The following DMD variants were observed in gnomAD, a reference collection of about 807,000 sequenced individuals.
The protein encoded by DMD is mutant dystrophin.
In DMD, 63 loss-of-function variants were observed where a neutral mutation model predicts 330.1. That is an observed-to-expected ratio of 0.19 (90% CI 0.16 to 0.24). The LOEUF (loss-of-function observed/expected upper bound fraction) is 0.24. Ranked by LOEUF, DMD falls within the 10% of genes least tolerant of loss-of-function variation. DMD has a pLI of 1.00. For synonymous variants in DMD, 1,223 were observed against 959.8 expected (o/e 1.27, Z -5.07); for missense variants, 3,344 against 2,684.1 (o/e 1.25, Z -5.43).
intron 1 of DMD, among the ~76,000 whole-genome samples, chrX:33,152,242 T>C (rs1603358971): frequency 9.1e-6 from 1 of 109,939 alleles, no homozygotes; most frequent in African/African-American, 3.3e-5. Flanking sequence ...CAATCTTGGC[T>C]CACTGCAACC....
chrX:31,947,150 A>G (rs2095098313), intron 45 of DMD, among the ~76,000 whole-genome samples: 1 of 111,379 alleles, frequency 9.0e-6, no homozygotes, highest in Non-Finnish European at 1.9e-5. Flanking sequence ...GCTTCTATTT[A>G]TTTATTTTGA....
chrX:31,516,143 G>A (rs5927761), intron 55 of DMD, among the ~76,000 whole-genome samples: 22,792 of 109,941 alleles, frequency 0.21, 1,863 homozygotes, highest in Middle Eastern at 0.29. Flanking sequence ...CTTTAGAAAC[G>A]TGTACAGCAA....
intron 44 of DMD, among the ~76,000 whole-genome samples, chrX:31,969,656 T>C (rs1333953408): frequency 8.9e-6 from 1 of 111,898 alleles, no homozygotes; most frequent in African/African-American, 3.2e-5. Flanking sequence ...AAAGCTCCCT[T>C]AGACTCTCGT....
At chrX:33,084,841 G>C (rs1283601102) in intron 1 of DMD, among the ~76,000 whole-genome samples, 1 of 111,901 alleles carries the variant, frequency 8.9e-6, no homozygotes, top group African/African-American at 3.2e-5. Context: ...CTATAAATTA[G>C]TGGAGGTTAG....
intron 63 of DMD, among the ~76,000 whole-genome samples, chrX:31,246,694 G>A (rs751189423): frequency 1.8e-5 from 2 of 111,988 alleles, no homozygotes; most frequent in Non-Finnish European, 3.8e-5. Context: ...TTGGGAGGCT[G>A]AGGCGGGCAG....
intron 62 of DMD, among the ~76,000 whole-genome samples, chrX:31,317,924 C>T (rs776002617): frequency 8.9e-6 from 1 of 112,193 alleles, no homozygotes; most frequent in East Asian, 2.8e-4. Context: ...ATATTTAACA[C>T]GTTGATTGCT....
At chrX:31,361,491 G>T (rs1238029283) in intron 60 of DMD, among the ~76,000 whole-genome samples, 1 of 111,328 alleles carries the variant, frequency 9.0e-6, no homozygotes, top group Admixed American at 9.6e-5. Flanking sequence ...ACCAATAAGG[G>T]CAATATGTAT....
At position 31,703,563 on chromosome X, in the gene DMD, A is replaced by G. The variant is rs149230939; in HGVS notation, c.7661-23977T>C. Among the ~76,000 whole-genome samples, 421 of 112,355 alleles carry G rather than the reference A, an allele frequency of 3.7e-3. 3 individuals carry two copies. The highest frequency in any genetic ancestry group is 0.013 in the African/African-American group (406 of 30,950). On this transcript the variant is annotated intron_variant, in intron 52 of 78. Coordinates refer to ENST00000357033, the MANE Select transcript of DMD (RefSeq NM_004006.3). ...CTACCTTGTGAGTTTCTCAAGTCAT[A>G]ACCAAGAACTTAAGTACTCATGTAA...
chrX:33,311,221 T>C (rs1000223282), intron 1 of DMD, among the ~76,000 whole-genome samples: 2 of 109,892 alleles, frequency 1.8e-5, no homozygotes, highest in Non-Finnish European at 3.8e-5. Context: ...ATAATATATA[T>C]ATACATATGC....
At position 32,665,523 on chromosome X, in the gene DMD, G is replaced by A. The variant is rs143898750; in HGVS notation, c.961-20371C>T. Among the ~76,000 whole-genome samples the A allele has an allele frequency of 3.3e-4, 37 of 112,085 alleles. No individual in the cohort carries two copies. The East Asian group carries it at 7.6e-3, about 23-fold the overall frequency. ...TTATGTATTCAATTAATACTAAAATGAGCACATATTGTGGATTCATGTATC... is the reference window on the plus strand; with the variant it reads ...TTATGTATTCAATTAATACTAAAATAAGCACATATTGTGGATTCATGTATC... On this transcript the variant is annotated intron_variant, in intron 9 of 78. Transcript: ENST00000357033.
intron 7 of DMD, among the ~76,000 whole-genome samples, chrX:32,725,438 G>A (rs568210675): frequency 1.8e-5 from 2 of 110,955 alleles, no homozygotes; most frequent in Middle Eastern, 4.7e-3. Context: ...GCTGAAAATG[G>A]ATGAAAAAAG....
chrX:31,164,592 G>C (rs192002903), intron 74 of DMD, among the ~76,000 whole-genome samples: 54 of 111,528 alleles, frequency 4.8e-4, no homozygotes, highest in Admixed American at 8.5e-4. Flanking sequence ...ACTCAGATCA[G>C]CCTGTCTACT....
At chrX:32,774,713 C>G (rs764033477) in intron 7 of DMD, among the ~76,000 whole-genome samples, 1 of 111,019 alleles carries the variant, frequency 9.0e-6, no homozygotes, top group African/African-American at 3.3e-5. Flanking sequence ...AGTTCCCTCC[C>G]TTGACACGTG....
At position 31,353,028 on chromosome X, in the gene DMD, C is replaced by G. The variant is rs1428328091; in HGVS notation, c.9085-4394G>C. Among the ~76,000 whole-genome samples the G allele has an allele frequency of 2.7e-5, 3 of 111,379 alleles. No homozygotes were observed. The Admixed American group carries it at 2.9e-4, about 11-fold the overall frequency. The stretch of plus-strand genomic sequence containing the variant: ...TATACCTGTGTCTTATGTTCTGGCA[C>G]AATCAGTTCTTTCCTTGGTGGTTTA... On this transcript the variant is annotated intron_variant, in intron 60 of 78. Coordinates refer to ENST00000357033, the MANE Select transcript of DMD (RefSeq NM_004006.3).
At chrX:33,127,159 C>T (rs959839268) in intron 1 of DMD, among the ~76,000 whole-genome samples, 2 of 110,013 alleles carry the variant, frequency 1.8e-5, no homozygotes, top group African/African-American at 6.6e-5. Context: ...TATCCTAACT[C>T]TTTTAGCTCA....
At chrX:31,162,467 G>A (rs978786181) in intron 74 of DMD, among the ~76,000 whole-genome samples, 8 of 107,050 alleles carry the variant, frequency 7.5e-5, no homozygotes, top group Middle Eastern at 9.7e-3. Flanking sequence ...TATTCTAATC[G>A]CCAGAGGGGT....
At chrX:32,069,496 G>T (rs912837323) in intron 44 of DMD, among the ~76,000 whole-genome samples, 2 of 111,652 alleles carry the variant, frequency 1.8e-5, no homozygotes, top group African/African-American at 3.3e-5. Context: ...TCTCGAAGCA[G>T]CAGAGAAAGT....
intron 30 of DMD, among the ~76,000 whole-genome samples, chrX:32,394,698 T>C (rs2098027692): frequency 9.1e-6 from 1 of 109,798 alleles, no homozygotes; most frequent in African/African-American, 3.3e-5. Flanking sequence ...ATAGCAATTG[T>C]GGAGACTGTG....
chrX:32,796,517 G>A (rs1258152832), intron 7 of DMD, among the ~76,000 whole-genome samples: 2 of 111,253 alleles, frequency 1.8e-5, no homozygotes, highest in Non-Finnish European at 3.8e-5. Flanking sequence ...TAGTTGGAAG[G>A]TATATATTCT....
Sources: gnomAD v4.1 joint callset for allele counts (sites outside exome capture counted in the v4.1 genomes callset) on GRCh38, gnomAD v4.1.1 for gene constraint, MANE v1.5 for transcripts, NCBI Gene and HGNC (gene_info 2026-07-23, HGNC 2026-07-21) for gene names.